STIM2: variants seen among roughly 807,000 people sequenced by gnomAD.
The protein encoded by STIM2 is stromal interaction molecule 2.
Under a neutral mutation model 85.8 loss-of-function variants are expected in STIM2, and 31 were observed. The ratio of observed to expected loss-of-function variants is 0.36; its 90% confidence interval spans 0.27 to 0.49. The LOEUF (loss-of-function observed/expected upper bound fraction) is 0.49. STIM2 is among the 20% of genes least tolerant of loss of function. The probability of loss-of-function intolerance (pLI) is 0.98; values close to 1 mark genes in which losing one functional copy is unlikely to be tolerated. For missense variants in STIM2, 841 were observed against 927.6 expected, an observed-to-expected ratio of 0.91 and a Z score of 1.21; for synonymous variants, 356 against 331.1, an observed-to-expected ratio of 1.08 and a Z score of -0.82.
intron 1 of STIM2, among the ~76,000 whole-genome samples, chr4:26,897,423 T>C (rs1723748338): frequency 6.6e-6 from 1 of 152,250 alleles, no homozygotes; most frequent in African/African-American, 2.4e-5. Context: ...CTCTGTATCC[T>C]CTTTTTTCAT....
chr4:26,937,624 T>C (rs1325103622), intron 2 of STIM2, among the ~76,000 whole-genome samples: 2 of 152,162 alleles, frequency 1.3e-5, no homozygotes, highest in African/African-American at 4.8e-5. Context: ...GGCCATATAA[T>C]TTATTATCCC....
At chr4:26,957,977 G>C (rs1221392924) in intron 3 of STIM2, among the ~76,000 whole-genome samples, 1 of 152,094 alleles carries the variant, frequency 6.6e-6, no homozygotes, top group Non-Finnish European at 1.5e-5. Flanking sequence ...ATGTCTGAGA[G>C]CCTAAAGTTG....
intron 3 of STIM2, among the ~76,000 whole-genome samples, chr4:26,981,756 T>C (rs1727404851): frequency 6.6e-6 from 1 of 152,186 alleles, no homozygotes; most frequent in Admixed American, 6.5e-5. Flanking sequence ...TAAATTAGGA[T>C]TTGTTTGATA....
chr4:26,940,416 A>T (rs1175422670), intron 2 of STIM2, among the ~76,000 whole-genome samples: 1 of 151,820 alleles, frequency 6.6e-6, no homozygotes, highest in Non-Finnish European at 1.5e-5. Flanking sequence ...CAGATCTCCA[A>T]CTCAGTGTCC....
chr4:27,003,926 C>T (rs957832822), intron 7 of STIM2, among the ~76,000 whole-genome samples: 1 of 152,140 alleles, frequency 6.6e-6, no homozygotes, highest in African/African-American at 2.4e-5. Flanking sequence ...TCTCCTCCTT[C>T]TGACTTTGAT....
At chr4:26,936,952 C>T (rs1725415953) in intron 2 of STIM2, among the ~76,000 whole-genome samples, 1 of 152,026 alleles carries the variant, frequency 6.6e-6, no homozygotes, top group Non-Finnish European at 1.5e-5. Flanking sequence ...CCATGCCTGG[C>T]TAATTTTTAT....
chr4:27,019,647 A>G, intron 11 of STIM2: 1 of 402,200 alleles, frequency 2.5e-6, no homozygotes. Flanking sequence ...GAACCACCAG[A>G]ATCCTTACAA....
At chr4:27,021,086 C>T in intron 11 of STIM2, 1 of 1,531,188 alleles carries the variant, frequency 6.5e-7, no homozygotes, top group Non-Finnish European at 8.8e-7. Context: ...AGATGTGATC[C>T]CTGTTCTTTA....
At chr4:26,934,378 A>C (rs1308015115) in intron 2 of STIM2, among the ~76,000 whole-genome samples, 1 of 152,210 alleles carries the variant, frequency 6.6e-6, no homozygotes, top group East Asian at 1.9e-4. Context: ...TCATATTATA[A>C]GTCACACAGA....
At chr4:26,923,344 T>C (rs1724882831) in intron 2 of STIM2, among the ~76,000 whole-genome samples, 1 of 152,118 alleles carries the variant, frequency 6.6e-6, no homozygotes, top group South Asian at 2.1e-4. Context: ...GGAACGCAGT[T>C]CCTCACCAGC....
At chr4:26,883,571 G>GA (rs1177444491) in intron 1 of STIM2, among the ~76,000 whole-genome samples, 1 of 152,202 alleles carries the variant, frequency 6.6e-6, no homozygotes, top group East Asian at 1.9e-4. Context: ...CTGAGGTGCC[G>GA]AAAGTGTATA....
At chr4:26,927,822 A>T (rs1189614376) in intron 2 of STIM2, among the ~76,000 whole-genome samples, 4 of 146,560 alleles carry the variant, frequency 2.7e-5, no homozygotes, top group Non-Finnish European at 6.0e-5. Context: ...ATCTATTAAA[A>T]ATATGTAATT....
At position 26,919,654 on chromosome 4, in the gene STIM2, C is replaced by T. The variant is rs758359161; in HGVS notation, c.282+20C>T. ...GATGAAGTAGGTGGAAAAATGTTTT[C>T]CTTGCTATTGTCTTAGAACAGAATG... On this transcript the variant is annotated intron_variant, in intron 2 of 11. Transcript: ENST00000467087. 2 of 1,612,706 alleles carry T rather than the reference C, an allele frequency of 1.2e-6. No individual in the cohort carries two copies. The highest frequency in any genetic ancestry group is 3.3e-5 in the Admixed American group (2 of 59,910).
chr4:27,000,716 C>T (rs999211665), intron 5 of STIM2, among the ~76,000 whole-genome samples: 3 of 151,938 alleles, frequency 2.0e-5, no homozygotes, highest in Admixed American at 6.6e-5. Context: ...ATATGTTTGT[C>T]TTAGAATGGT....
At chr4:26,988,975 C>T (rs1185117455) in intron 3 of STIM2, among the ~76,000 whole-genome samples, 1 of 152,172 alleles carries the variant, frequency 6.6e-6, no homozygotes, top group East Asian at 1.9e-4. Context: ...CACTCTGTCT[C>T]CCAGGCTGGG....
intron 3 of STIM2, among the ~76,000 whole-genome samples, chr4:26,967,492 C>T (rs186913982): frequency 1.4e-4 from 21 of 152,238 alleles, no homozygotes; most frequent in Admixed American, 5.9e-4. Context: ...AAGGGATAGA[C>T]GGTAATATAG....
At chr4:26,865,754 A>G (rs1209711585) in intron 1 of STIM2, among the ~76,000 whole-genome samples, 1 of 152,106 alleles carries the variant, frequency 6.6e-6, no homozygotes, top group Non-Finnish European at 1.5e-5. Context: ...TTACTTCTGA[A>G]TTGATCAGAT....
intron 1 of STIM2, among the ~76,000 whole-genome samples, chr4:26,868,443 G>C (rs1269856596): frequency 6.6e-6 from 1 of 152,052 alleles, no homozygotes; most frequent in Non-Finnish European, 1.5e-5. Context: ...TTAATTAAGT[G>C]CTGGGATTTT....
intron 2 of STIM2, among the ~76,000 whole-genome samples, chr4:26,946,967 G>A (rs1725855689): frequency 6.6e-6 from 1 of 152,202 alleles, no homozygotes; most frequent in South Asian, 2.1e-4. Context: ...TTGGCTGCAA[G>A]TAATAGAATA....
Sources: allele counts gnomAD v4.1 joint callset (sites outside exome capture counted in the v4.1 genomes callset), GRCh38; gene constraint gnomAD v4.1.1; transcripts MANE v1.5; gene names NCBI Gene and HGNC (gene_info 2026-07-23, HGNC 2026-07-21).